The following KLHL8 variants were observed in gnomAD, a reference collection of about 807,000 sequenced individuals.
KLHL8 encodes kelch-like protein 8.
KLHL8 carries 38 observed loss-of-function variants against 63.5 expected under a neutral mutation model. The ratio of observed to expected loss-of-function variants is 0.60; its 90% confidence interval spans 0.46 to 0.78. The LOEUF is 0.78. Ranked by LOEUF, KLHL8 falls within the 30% of genes least tolerant of loss-of-function variation. KLHL8 has a pLI of 0.00. For synonymous variants in KLHL8, 224 were observed against 254.3 expected, an observed-to-expected ratio of 0.88 and a Z score of 1.13; for missense variants, 566 against 752.4, an observed-to-expected ratio of 0.75 and a Z score of 2.90.
At chr4:87,230,502 T>C (rs942696837) in intron 1 of KLHL8, among the ~76,000 whole-genome samples, 1 of 152,202 alleles carries the variant, frequency 6.6e-6, no homozygotes, top group Non-Finnish European at 1.5e-5. Flanking sequence ...ATTCCAACTG[T>C]CATGTAATCC....
intron 2 of KLHL8, among the ~76,000 whole-genome samples, chr4:87,193,843 C>T (rs1228715665): frequency 6.6e-6 from 1 of 152,120 alleles, no homozygotes; most frequent in Admixed American, 6.6e-5. Flanking sequence ...TGGGGTCCAT[C>T]GTTGACCAAA....
chr4:87,221,392 T>TAAAAAAAAAAAAAAAAAAAAAAAA (rs71660123), upstream of KLHL8: 1 of 87,040 alleles, frequency 1.1e-5, no homozygotes. Context: ...AGACTCCGTC[T>TAAAAAAAAAAAAAAAAAAAAAAAA]AAAAAAAAAA....
chr4:87,228,700 A>T (rs555601958), intron 1 of KLHL8, among the ~76,000 whole-genome samples: 10 of 152,366 alleles, frequency 6.6e-5, no homozygotes, highest in African/African-American at 1.9e-4. Flanking sequence ...TAAAGAGATC[A>T]GCAGATGAAA....
At chr4:87,200,439 A>G (rs1173356719) in intron 1 of KLHL8, among the ~76,000 whole-genome samples, 1 of 152,188 alleles carries the variant, frequency 6.6e-6, no homozygotes, top group Non-Finnish European at 1.5e-5. Context: ...TAGTTGTTAT[A>G]TTTTTTAAAT....
In KLHL8 at chr4:87,178,604, T is replaced by G. The variant is rs756866088; in HGVS notation, c.969A>C (p.Val323=). Residue 323 remains valine, a synonymous_variant, in exon 5 of 10, where the codon GTA becomes GTC. Coordinates refer to ENST00000273963, the MANE Select transcript of KLHL8 (RefSeq NM_020803.5). ...GGTCACCAGATCCACCTCGACCACC[T>G]ACACAAAACAGCACACCTAAAGGTA... ...RKHTAGVLFC[V]GGRGGSGDPF... 7 of 1,596,742 alleles carry G rather than the reference T, an allele frequency of 4.4e-6. No homozygotes were observed. The highest frequency in any genetic ancestry group is 1.1e-5 in the South Asian group (1 of 87,570).
chr4:87,226,894 TAAATAATATATA>T (rs1733022649), intron 1 of KLHL8, among the ~76,000 whole-genome samples: 3 of 40,768 alleles, frequency 7.4e-5, no homozygotes, highest in Non-Finnish European at 8.3e-5. Flanking sequence ...ATATTATATA[TAAATAATATATA>T]ATATATAAAT....
At chr4:87,172,245 G>C (rs995603497) in intron 6 of KLHL8, among the ~76,000 whole-genome samples, 2 of 152,184 alleles carry the variant, frequency 1.3e-5, no homozygotes, top group African/African-American at 2.4e-5. Flanking sequence ...GTGACTTGTA[G>C]CCAACAGCCA....
At chr4:87,207,709 G>A in intron 1 of KLHL8, 1 of 898,070 alleles carries the variant, frequency 1.1e-6, no homozygotes, top group Non-Finnish European at 1.9e-6. Context: ...CATCATCCCT[G>A]CCTCTACTGG....
At chr4:87,183,482 G>C (rs1273927930) in intron 3 of KLHL8, 93 bp from the exon 4 acceptor site, 2 of 972,648 alleles carry the variant, frequency 2.1e-6, no homozygotes, top group African/African-American at 3.3e-5. Flanking sequence ...GTGAAAACAA[G>C]ATGAGTAATT....
At chr4:87,193,740 A>T (rs80033430) in intron 2 of KLHL8, among the ~76,000 whole-genome samples, 1,742 of 152,306 alleles carry the variant, frequency 0.011, 38 homozygotes, top group African/African-American at 0.04. Flanking sequence ...ATGTGAGTAA[A>T]GCACTGTGCT....
intron 1 of KLHL8, among the ~76,000 whole-genome samples, chr4:87,200,233 C>G (rs1283472062): frequency 1.3e-5 from 2 of 151,428 alleles, no homozygotes; most frequent in Non-Finnish European, 2.9e-5. Flanking sequence ...AGAAGTATAG[C>G]CCTTCTTCAG....
chr4:87,183,062 A>T (rs1416320558), intron 4 of KLHL8, 141 bp downstream of exon 4: 2 of 530,256 alleles, frequency 3.8e-6, no homozygotes, highest in Non-Finnish European at 6.3e-6. Flanking sequence ...AAAAATTATA[A>T]ATATATAAAA....
intron 1 of KLHL8, among the ~76,000 whole-genome samples, chr4:87,212,218 T>C (rs772942436): frequency 6.6e-6 from 1 of 152,204 alleles, no homozygotes; most frequent in Admixed American, 6.5e-5. Context: ...ATCTTTTTAA[T>C]TTACGTGCCC....
intron 1 of KLHL8, chr4:87,207,346 G>T: frequency 1.6e-6 from 1 of 635,956 alleles, no homozygotes; most frequent in South Asian, 1.5e-5. Context: ...AATCAAATGG[G>T]GCAATGCTGA....
At chr4:87,226,004 A>T (rs1732966494) in intron 1 of KLHL8, among the ~76,000 whole-genome samples, 1 of 152,194 alleles carries the variant, frequency 6.6e-6, no homozygotes, top group Non-Finnish European at 1.5e-5. Flanking sequence ...CCGGAGCAAT[A>T]TGAGAAATGA....
chr4:87,225,155 C>G (rs919165285), upstream of KLHL8, among the ~76,000 whole-genome samples: 2 of 151,934 alleles, frequency 1.3e-5, no homozygotes, highest in African/African-American at 4.8e-5. Context: ...TCCTTCTACC[C>G]CTTTGCCTGG....
At chr4:87,232,547 T>A (rs1733153741) in intron 1 of KLHL8, among the ~76,000 whole-genome samples, 1 of 152,228 alleles carries the variant, frequency 6.6e-6, no homozygotes, top group African/African-American at 2.4e-5. Flanking sequence ...GAAGTGGAAT[T>A]GCTGGTTTTA....
intron 2 of KLHL8, among the ~76,000 whole-genome samples, chr4:87,190,378 C>T (rs745418848): frequency 1.3e-5 from 2 of 152,144 alleles, no homozygotes; most frequent in Non-Finnish European, 2.9e-5. Context: ...GGGGCAGTGG[C>T]TCATGCCTGT....
intron 8 of KLHL8, among the ~76,000 whole-genome samples, chr4:87,169,477 T>C (rs189368118): frequency 5.3e-5 from 8 of 152,318 alleles, no homozygotes; most frequent in African/African-American, 1.9e-4. Flanking sequence ...GTAATCCCCT[T>C]CTTTAAATAA....
Sources: gnomAD v4.1 joint callset for allele counts (sites outside exome capture counted in the v4.1 genomes callset) on GRCh38, gnomAD v4.1.1 for gene constraint, MANE v1.5 for transcripts, NCBI Gene and HGNC (gene_info 2026-07-23, HGNC 2026-07-21) for gene names.